Variants in ABCA10 observed in about 807,000 individuals in gnomAD.
ABCA10 encodes ATP-binding cassette sub-family A member 10.
Under a neutral mutation model 187.5 loss-of-function variants are expected in ABCA10, and 169 were observed. The observed-to-expected ratio is 0.90, with a 90% CI of 0.80 to 1.02. The LOEUF (loss-of-function observed/expected upper bound fraction) is 1.02, where lower values mean the gene tolerates loss of function less well. ABCA10 is among the 50% of genes least tolerant of loss of function. ABCA10 has a pLI of 0.00. For missense variants in ABCA10, 1,727 were observed against 1,812.4 expected, an observed-to-expected ratio of 0.95 and a Z score of 0.86; for synonymous variants, 574 against 601.8, an observed-to-expected ratio of 0.95 and a Z score of 0.68.
At position 69,152,353 on chromosome 17, in the gene ABCA10, G is replaced by T; in HGVS notation, c.4256+9C>A. 1 of 1,612,506 alleles carries T rather than the reference G, an allele frequency of 6.2e-7. No homozygotes were observed. The highest frequency in any genetic ancestry group is 8.5e-7 in the Non-Finnish European group (1 of 1,179,362). On this transcript the variant is annotated intron_variant, in intron 35 of 38. Transcript: ENST00000690296. ...TGCTAGTCCCATGCTGGTCAGGACA[G>T]GCACCCACCTTAGCGTTCCTGACAC...
chr17:69,196,678 T>C (rs1374782268), intron 11 of ABCA10, among the ~76,000 whole-genome samples: 1 of 151,828 alleles, frequency 6.6e-6, no homozygotes, highest in Non-Finnish European at 1.5e-5. Flanking sequence ...GAGGTGGAGG[T>C]TGTAGCGAGC....
At chr17:69,161,968 T>C (rs948948841) in intron 27 of ABCA10, among the ~76,000 whole-genome samples, 2 of 152,180 alleles carry the variant, frequency 1.3e-5, no homozygotes, top group Non-Finnish European at 2.9e-5. Context: ...TCCACATCAA[T>C]TTGAGAGGAA....
At chr17:69,212,840 C>T (rs1369939447) in intron 9 of ABCA10, among the ~76,000 whole-genome samples, 1 of 152,062 alleles carries the variant, frequency 6.6e-6, no homozygotes. Context: ...TATGTGAGTC[C>T]TTATGTGTTG....
In ABCA10 at chr17:69,179,215, A is replaced by T. The variant is rs574513910; in HGVS notation, c.2769+2938T>A. Reference sequence around the variant, plus strand: ...AACAAAAAAACAAAACAAACAAAAAAAAAACCTCTATCTGAACCTCGTCAA... The same window carrying T: ...AACAAAAAAACAAAACAAACAAAAATAAAACCTCTATCTGAACCTCGTCAA... On this transcript the variant is annotated intron_variant, in intron 22 of 38. Coordinates refer to ENST00000690296, the MANE Select transcript of ABCA10 (RefSeq NM_001377321.1). 9.9e-5 allele frequency among the ~76,000 whole-genome samples: 15 copies of T among 152,140 alleles called. No individual in the cohort carries two copies. In the East Asian group the frequency reaches 2.9e-3, roughly 29 times the overall value.
chr17:69,215,236 A>G (rs1478519827), intron 8 of ABCA10, among the ~76,000 whole-genome samples: 1 of 152,254 alleles, frequency 6.6e-6, no homozygotes, highest in Non-Finnish European at 1.5e-5. Context: ...TATTGCAGAA[A>G]CATTCAATTA....
intron 1 of ABCA10, among the ~76,000 whole-genome samples, 191 bp from the exon 2 acceptor site, chr17:69,227,476 C>T (rs1245258982): frequency 6.6e-6 from 1 of 151,778 alleles, no homozygotes; most frequent in Non-Finnish European, 1.5e-5. Flanking sequence ...TCTCTCCAGG[C>T]TTTTATGGCT....
At chr17:69,183,791 C>T (rs1223704118) in intron 20 of ABCA10, among the ~76,000 whole-genome samples, 1 of 152,028 alleles carries the variant, frequency 6.6e-6, no homozygotes, top group Non-Finnish European at 1.5e-5. Flanking sequence ...GGAAAGACCA[C>T]AGGAAGAAGG....
intron 27 of ABCA10, among the ~76,000 whole-genome samples, 191 bp from the exon 28 acceptor site, chr17:69,157,114 C>G (rs966518138): frequency 1.1e-4 from 16 of 152,146 alleles, no homozygotes; most frequent in African/African-American, 3.9e-4. Flanking sequence ...AACTCACCCT[C>G]CCACTGAGAA....
chr17:69,153,287 A>C lies in ABCA10; in HGVS notation c.4136+18T>G. On this transcript the variant is annotated intron_variant, in intron 34 of 38. Coordinates refer to ENST00000690296, the MANE Select transcript of ABCA10 (RefSeq NM_001377321.1). The stretch of plus-strand genomic sequence containing the variant: ...AGGTATTCTCTTGACTCTGACACTT[A>C]ATATTCACTCTCCTTACCACATTTG... 6.3e-7 allele frequency: 1 copy of C among 1,586,984 alleles called. No individual in the cohort carries two copies. Among genetic ancestry groups the C allele is most frequent in the Non-Finnish European group, 8.5e-7 (1 of 1,171,448 alleles).
intron 20 of ABCA10, 99 bp downstream of exon 20, chr17:69,185,378 G>A (rs1196068914): frequency 2.3e-5 from 29 of 1,251,976 alleles, no homozygotes; most frequent in Non-Finnish European, 3.0e-5. Flanking sequence ...GAGCAAGCTG[G>A]ATAGACACCA....
intron 1 of ABCA10, among the ~76,000 whole-genome samples, chr17:69,242,779 A>T (rs2074912516): frequency 6.6e-6 from 1 of 152,202 alleles, no homozygotes; most frequent in Non-Finnish European, 1.5e-5. Flanking sequence ...TAAGCACGTT[A>T]TACTATAGTC....
chr17:69,212,676 A>C (rs1263749115), intron 9 of ABCA10, among the ~76,000 whole-genome samples: 1 of 152,092 alleles, frequency 6.6e-6, no homozygotes, highest in Admixed American at 6.5e-5. Context: ...GGACTGTGAC[A>C]TTTTCCTGTT....
rs772618233 is a variant in ABCA10, at chr17:69,182,185, G to A, written c.2737C>T (p.Leu913Phe). The A allele has an allele frequency of 3.8e-6, 6 of 1,590,592 alleles. No individual in the cohort carries two copies. In the East Asian group the frequency reaches 1.2e-4, roughly 31 times the overall value. Reference protein sequence around the residue: ...ALMGIFNFTELIQMESTSFSR... With the variant: ...ALMGIFNFTEFIQMESTSFSR... The stretch of plus-strand genomic sequence containing the variant: ...AATGAAGTGCTCTCCATTTGAATAA[G>A]CTCCGTGAAGTTAAAAATTCCCATA... Residue 913 changes from leucine to phenylalanine, a missense_variant, in exon 22 of 39, where the codon CTT becomes TTT. Leu to Phe is a conservative substitution (Grantham distance 22). Transcript: ENST00000690296.
intron 27 of ABCA10, 70 bp downstream of exon 27, chr17:69,164,004 C>T: frequency 8.0e-7 from 1 of 1,256,418 alleles, no homozygotes; most frequent in Non-Finnish European, 1.1e-6. Context: ...ATTTGGCATA[C>T]CTTGAATAAG....
intron 22 of ABCA10, among the ~76,000 whole-genome samples, chr17:69,179,709 T>A (rs576087753): frequency 1.3e-5 from 2 of 152,198 alleles, no homozygotes; most frequent in African/African-American, 4.8e-5. Context: ...AATTTCTTTA[T>A]CTTGATATTC....
Position 69,214,281 on chromosome 17 carries a change from C to A in ABCA10, c.1006+423G>T, listed in dbSNP as rs544291990. On this transcript the variant is annotated intron_variant, in intron 9 of 38. Coordinates refer to ENST00000690296, the MANE Select transcript of ABCA10 (RefSeq NM_001377321.1). ...CTGTAATCCCAGCACTTTGGGAGGC[C>A]GAGGCGGGCGGATCACGAGGTCAGG... Among the ~76,000 whole-genome samples, 11 of 152,172 alleles carry A rather than the reference C, an allele frequency of 7.2e-5. 3 individuals carry two copies. Among genetic ancestry groups the A allele is most frequent in the Admixed American group, 7.2e-4 (11 of 15,280 alleles).
intron 22 of ABCA10, among the ~76,000 whole-genome samples, chr17:69,176,082 G>T (rs1162630913): frequency 6.6e-6 from 1 of 152,110 alleles, no homozygotes; most frequent in African/African-American, 2.4e-5. Flanking sequence ...TGTGAAGGGG[G>T]ACTATTGTAC....
chr17:69,192,652 A>G lies in ABCA10; in HGVS notation c.1782T>C (p.Asp594=). 1.2e-6 allele frequency: 2 copies of G among 1,610,382 alleles called. No individual in the cohort carries two copies. The highest frequency in any genetic ancestry group is 1.7e-6 in the Non-Finnish European group (2 of 1,177,714). ...QFMDEADILA[D]RKVFLSNGKL... ...TCCCATTAGACAGAAATACTTTCCT[A>G]TCTGAGTAGAAAGGAAGATTCAAAA... The change falls in exon 16 of 39, where the codon GAT becomes GAC. Residue 594 remains aspartate (D), a splice_region_variant and synonymous_variant. Transcript: ENST00000690296.
At chr17:69,229,355 T>C (rs1301087530), upstream of ABCA10, among the ~76,000 whole-genome samples, 1 of 152,042 alleles carries the variant, frequency 6.6e-6, no homozygotes, top group Non-Finnish European at 1.5e-5. Context: ...ACTACCACTA[T>C]GAAAATGGTG....
Sources: gnomAD v4.1 joint callset for allele counts (sites outside exome capture counted in the v4.1 genomes callset) on GRCh38, gnomAD v4.1.1 for gene constraint, MANE v1.5 for transcripts, NCBI Gene and HGNC (gene_info 2026-07-23, HGNC 2026-07-21) for gene names.